The following NCAM2 variants were observed in gnomAD, a reference collection of about 807,000 sequenced individuals.
NCAM2 encodes the protein neural cell adhesion molecule 2, also known as N-CAM-2.
Under a neutral mutation model 98.1 loss-of-function variants are expected in NCAM2, and 30 were observed. That is an observed-to-expected ratio of 0.31 (90% CI 0.23 to 0.41). The LOEUF (loss-of-function observed/expected upper bound fraction) is 0.41. Among genes scored for constraint, NCAM2 ranks in the 10% least tolerant of loss-of-function variants. NCAM2 has a pLI of 1.00. For synonymous variants in NCAM2, 368 were observed against 342.4 expected (o/e 1.07, Z -0.83); for missense variants, 867 against 1,005.8 (o/e 0.86, Z 1.87).
In NCAM2 at chr21:21,419,879, A is replaced by G. The variant is rs563153912; in HGVS notation, c.1480+1310A>G. Among the ~76,000 whole-genome samples, 60 of 152,140 alleles carry G rather than the reference A, an allele frequency of 3.9e-4. No homozygotes were observed. In the South Asian group the frequency reaches 0.012, roughly 32 times the overall value. On this transcript the variant is annotated intron_variant, in intron 11 of 17. Coordinates refer to ENST00000400546, the MANE Select transcript of NCAM2 (RefSeq NM_004540.5). ...ATAATCCTTTGGGTATATACCCAGTAATGGGATGGCTGGGTCAAATGGTAT... is the reference window on the plus strand; with the variant it reads ...ATAATCCTTTGGGTATATACCCAGTGATGGGATGGCTGGGTCAAATGGTAT...
At chr21:21,466,551 T>G in intron 12 of NCAM2, 55 bp from the exon 13 acceptor site, 1 of 1,232,308 alleles carries the variant, frequency 8.1e-7, no homozygotes. Flanking sequence ...ATGTGTCCAA[T>G]TAGATATATA....
intron 1 of NCAM2, among the ~76,000 whole-genome samples, chr21:21,253,214 T>C (rs1475136747): frequency 6.6e-6 from 1 of 152,198 alleles, no homozygotes; most frequent in South Asian, 2.1e-4. Context: ...TGGATGGTTA[T>C]GTTTCAAGTT....
chr21:20,999,996 T>G (rs2063989839), intron 1 of NCAM2, among the ~76,000 whole-genome samples: 1 of 152,228 alleles, frequency 6.6e-6, no homozygotes, highest in Non-Finnish European at 1.5e-5. Flanking sequence ...GTAAAGTGTC[T>G]TGATAAGATT....
At chr21:21,016,147 A>G (rs1455386593) in intron 1 of NCAM2, among the ~76,000 whole-genome samples, 3 of 152,186 alleles carry the variant, frequency 2.0e-5, no homozygotes, top group South Asian at 4.1e-4. Context: ...GGAGAATGAC[A>G]TTAACATGAT....
intron 9 of NCAM2, among the ~76,000 whole-genome samples, chr21:21,384,755 A>T (rs962079151): frequency 1.2e-4 from 18 of 152,060 alleles, no homozygotes; most frequent in African/African-American, 4.3e-4. Context: ...TTATATAAAT[A>T]TGCTAGTGAA....
chr21:21,215,226 G>A (rs1209301618), intron 1 of NCAM2, among the ~76,000 whole-genome samples: 1 of 152,094 alleles, frequency 6.6e-6, no homozygotes, highest in Admixed American at 6.5e-5. Flanking sequence ...TTATCATTAT[G>A]CAAAGAGTAA....
chr21:21,169,740 A>G (rs577617841), intron 1 of NCAM2, among the ~76,000 whole-genome samples: 7 of 152,194 alleles, frequency 4.6e-5, no homozygotes, highest in Admixed American at 1.3e-4. Context: ...CTGGAGCCCA[A>G]AAGTTTGAAA....
intron 1 of NCAM2, among the ~76,000 whole-genome samples, chr21:21,264,193 C>T (rs575182183): frequency 1.9e-3 from 295 of 152,112 alleles, no homozygotes; most frequent in Non-Finnish European, 3.2e-3. Flanking sequence ...AGGAAATGAA[C>T]AGATACCTCT....
At chr21:21,452,847 G>T (rs1261239542) in intron 12 of NCAM2, among the ~76,000 whole-genome samples, 1 of 92,596 alleles carries the variant, frequency 1.1e-5, no homozygotes, top group South Asian at 3.2e-4. Flanking sequence ...ATAATGTATT[G>T]CATTATATAT....
chr21:21,121,966 C>T (rs990623078), intron 1 of NCAM2, among the ~76,000 whole-genome samples: 1 of 152,184 alleles, frequency 6.6e-6, no homozygotes, highest in Non-Finnish European at 1.5e-5. Context: ...TACCTGTTTC[C>T]AAGAACAACT....
In NCAM2 at chr21:21,324,400, A is replaced by G. The variant is rs766949934; in HGVS notation, c.637A>G (p.Met213Val). The part of the protein sequence containing the change: ...VIVNVPPAIS[M>V]PQKSFNATAE... ...TCCTTCAGTGCCGCCAGCAATCTCA[A>G]TGCCTCAGAAATCTTTTAATGCCAC... is the stretch of plus-strand genomic sequence containing the variant. The change falls in exon 6 of 18, where the codon ATG (methionine) becomes GTG (valine). Residue 213 changes from methionine (M) to valine (V), a missense_variant. Met to Val is a conservative substitution (Grantham distance 21). Around this residue, in one of 5 missense-constraint regions of NCAM2, gnomAD observed 447 missense variants for 495.7 expected, o/e 0.90. Coordinates refer to ENST00000400546, the MANE Select transcript of NCAM2 (RefSeq NM_004540.5). 24 of 1,613,018 alleles carry G rather than the reference A, an allele frequency of 1.5e-5. No individual in the cohort carries two copies. Among genetic ancestry groups the G allele is most frequent in the Non-Finnish European group, 1.9e-5 (22 of 1,179,320 alleles).
intron 5 of NCAM2, 63 bp from the exon 6 acceptor site, chr21:21,324,320 C>A: frequency 1.7e-6 from 2 of 1,179,518 alleles, no homozygotes; most frequent in Middle Eastern, 2.2e-4. Flanking sequence ...AGCAAAAATT[C>A]TCTAAATGAT....
At chr21:21,394,250 C>T (rs1022771698) in intron 9 of NCAM2, among the ~76,000 whole-genome samples, 51 of 152,098 alleles carry the variant, frequency 3.4e-4, no homozygotes, top group African/African-American at 1.2e-3. Context: ...ATTGTCATAG[C>T]TTTTTCTACA....
intron 1 of NCAM2, among the ~76,000 whole-genome samples, chr21:21,026,507 C>G (rs1402032090): frequency 6.6e-6 from 1 of 152,016 alleles, no homozygotes; most frequent in East Asian, 1.9e-4. Context: ...CTTCTGTCAT[C>G]CCAGCTACTC....
At chr21:21,514,936 C>G (rs1988624921) in intron 16 of NCAM2, among the ~76,000 whole-genome samples, 1 of 152,132 alleles carries the variant, frequency 6.6e-6, no homozygotes, top group Admixed American at 6.6e-5. Flanking sequence ...AGAATAAGTT[C>G]TCCAAGTTTG....
chr21:21,080,445 C>T (rs555437215), intron 1 of NCAM2, among the ~76,000 whole-genome samples: 3 of 151,764 alleles, frequency 2.0e-5, no homozygotes, highest in Admixed American at 2.0e-4. Flanking sequence ...GGAGAAACCC[C>T]ATCTCCACTA....
At chr21:21,079,428 TA>T (rs775018225) in intron 1 of NCAM2, among the ~76,000 whole-genome samples, 6 of 152,158 alleles carry the variant, frequency 3.9e-5, no homozygotes, top group South Asian at 2.1e-4. Flanking sequence ...AATTTATATC[TA>T]GGGGGAAAAT....
At chr21:21,233,079 T>G (rs902472337) in intron 1 of NCAM2, among the ~76,000 whole-genome samples, 4 of 151,644 alleles carry the variant, frequency 2.6e-5, no homozygotes, top group Non-Finnish European at 5.9e-5. Flanking sequence ...GAGGTAGTTT[T>G]GGGTTTTTTT....
At chr21:21,310,976 T>C (rs2074031507) in intron 5 of NCAM2, among the ~76,000 whole-genome samples, 1 of 152,198 alleles carries the variant, frequency 6.6e-6, no homozygotes, top group Non-Finnish European at 1.5e-5. Context: ...AAATATTTCT[T>C]TCAAAATATC....
Sources: allele counts gnomAD v4.1 joint callset (sites outside exome capture counted in the v4.1 genomes callset), GRCh38; gene constraint gnomAD v4.1.1; regional missense constraint gnomAD v4.1.1; transcripts MANE v1.5; gene names NCBI Gene and HGNC (gene_info 2026-07-23, HGNC 2026-07-21).